ZNF608: variants seen among roughly 807,000 people sequenced by gnomAD.
The protein encoded by ZNF608 is zinc finger protein 608.
A neutral mutation model predicts 109.0 loss-of-function variants in ZNF608; 12 were observed. The ratio of observed to expected loss-of-function variants is 0.11; its 90% confidence interval spans 0.07 to 0.18. ZNF608 has a LOEUF of 0.18. Among genes scored for constraint, ZNF608 ranks in the 10% least tolerant of loss-of-function variants. ZNF608 has a pLI of 1.00. For missense variants in ZNF608, 1,707 were observed against 1,879.3 expected (o/e 0.91, Z 1.70); for synonymous variants, 732 against 717.4 (o/e 1.02, Z -0.33).
chr5:124,666,162 A>G (rs1233281906), intron 3 of ZNF608: 3 of 152,262 alleles, frequency 2.0e-5, no homozygotes, highest in Admixed American at 6.5e-5. Flanking sequence ...TTAAAGCCAT[A>G]GTTTTCAATC....
At chr5:124,646,602 C>T in intron 5 of ZNF608, 77 bp downstream of exon 5, 1 of 1,502,384 alleles carries the variant, frequency 6.7e-7, no homozygotes, top group East Asian at 2.3e-5. Context: ...AGAAGTCTAA[C>T]CAGATCAAGC....
chr5:124,723,032 A>AT lies in ZNF608; in HGVS notation c.906+21051dup, dbSNP rs753609561. Among the ~76,000 whole-genome samples the AT allele has an allele frequency of 2.8e-3, 403 of 142,824 alleles. 2 individuals are homozygous for AT. Among genetic ancestry groups the AT allele is most frequent in the Middle Eastern group, 0.011 (3 of 276 alleles). 93.7% of individuals were successfully genotyped at this position (142,824 alleles called of 152,430 possible). On this transcript the variant is annotated intron_variant, in intron 2 of 9. Coordinates refer to ENST00000513986, the MANE Select transcript of ZNF608 (RefSeq NM_020747.3). ...AGCAGTAGGAGACTTTAAAAAAAAA[A>AT]TTTTTTTTTTTTTTTTGAGACAAGG...
chr5:124,740,520 A>AG (rs1179368360), intron 2 of ZNF608, among the ~76,000 whole-genome samples: 1 of 151,844 alleles, frequency 6.6e-6, no homozygotes, highest in Non-Finnish European at 1.5e-5. Context: ...TGAAAAAAAA[A>AG]AAAAGCATAA....
chr5:124,748,606 G>A, upstream of ZNF608: 7 of 982,060 alleles, frequency 7.1e-6, no homozygotes, highest in Non-Finnish European at 8.5e-6. Flanking sequence ...GCTTTATTTT[G>A]GAAATTATAA....
rs938578935 is a variant in ZNF608 at position 124,637,893 on chromosome 5, A to G, written c.*7T>C. The G allele has an allele frequency of 5.0e-6, 8 of 1,611,272 alleles. No homozygotes were observed. The African/African-American group carries it at 8.0e-5, about 16-fold the overall frequency. On this transcript the variant is annotated 3_prime_UTR_variant, in exon 10 of 10. Transcript: ENST00000513986. ...CAGTCACATGACAATGTACATGTCC[A>G]ATCTTGTTATTCTCTGCAAAAGAAA...
chr5:124,679,700 A>G (rs1358908593), intron 3 of ZNF608, among the ~76,000 whole-genome samples: 1 of 152,220 alleles, frequency 6.6e-6, no homozygotes, highest in Non-Finnish European at 1.5e-5. Context: ...AAAACTTGAA[A>G]ATACAGGTGA....
intron 2 of ZNF608, among the ~76,000 whole-genome samples, chr5:124,703,564 G>A (rs868262599): frequency 6.6e-6 from 1 of 152,090 alleles, no homozygotes; most frequent in East Asian, 1.9e-4. Context: ...CTGGGAGTTG[G>A]AGACCAGCCT....
At chr5:124,692,252 C>T (rs927492702) in intron 3 of ZNF608, among the ~76,000 whole-genome samples, 1 of 152,160 alleles carries the variant, frequency 6.6e-6, no homozygotes, top group Non-Finnish European at 1.5e-5. Flanking sequence ...CTAGACCAAA[C>T]TTAATTTAAA....
At chr5:124,653,999 A>G (rs927974283) in intron 3 of ZNF608, among the ~76,000 whole-genome samples, 27 of 152,042 alleles carry the variant, frequency 1.8e-4, no homozygotes, top group Admixed American at 1.4e-3. Flanking sequence ...AGGATTGCCT[A>G]TTTTCCAGCC....
intron 3 of ZNF608, among the ~76,000 whole-genome samples, chr5:124,675,434 C>T (rs1269572064): frequency 6.6e-6 from 1 of 152,192 alleles, no homozygotes; most frequent in Non-Finnish European, 1.5e-5. Flanking sequence ...ACAAAAAACA[C>T]TTTCAATCCA....
At chr5:124,710,154 G>C (rs768369631) in intron 2 of ZNF608, 2 of 441,660 alleles carry the variant, frequency 4.5e-6, no homozygotes, top group Non-Finnish European at 9.0e-6. Flanking sequence ...TTGAAATCAG[G>C]GAAAGGTTAG....
intron 2 of ZNF608, among the ~76,000 whole-genome samples, chr5:124,706,101 C>T (rs901360828): frequency 6.6e-6 from 1 of 152,220 alleles, no homozygotes; most frequent in Non-Finnish European, 1.5e-5. Context: ...ACCAAAGGAA[C>T]TTTCATGGTG....
Position 124,641,241 on chromosome 5 carries a change from G to C in ZNF608, c.4450+11C>G, listed in dbSNP as rs764788886. 5.0e-6 allele frequency: 8 copies of C among 1,613,424 alleles called. No homozygotes were observed. Among genetic ancestry groups the C allele is most frequent in the Non-Finnish European group, 6.8e-6 (8 of 1,180,016 alleles). Reference sequence around the variant, plus strand: ...AATGGACAAAGACACAGTAATGATAGAGCTGCTGACCTTGAAAAGGGTCAT... The same window carrying C: ...AATGGACAAAGACACAGTAATGATACAGCTGCTGACCTTGAAAAGGGTCAT... On this transcript the variant is annotated intron_variant, in intron 8 of 9. Transcript: ENST00000513986.
intron 3 of ZNF608, among the ~76,000 whole-genome samples, chr5:124,666,092 T>G (rs936039703): frequency 9.2e-5 from 14 of 152,222 alleles, no homozygotes; most frequent in African/African-American, 3.4e-4. Flanking sequence ...TTAGGAGGCA[T>G]GAAATGACAG....
chr5:124,661,694 C>A (rs546391723), intron 3 of ZNF608, among the ~76,000 whole-genome samples: 1 of 152,308 alleles, frequency 6.6e-6, no homozygotes, highest in South Asian at 2.1e-4. Context: ...ATTGACCAGC[C>A]TGCTCGGTGT....
At chr5:124,720,503 A>G (rs925437352) in intron 2 of ZNF608, among the ~76,000 whole-genome samples, 14 of 152,350 alleles carry the variant, frequency 9.2e-5, no homozygotes, top group African/African-American at 3.4e-4. Flanking sequence ...ACCGGAATTC[A>G]TTCAGGTGAA....
rs867625839 is a variant in ZNF608 at position 124,650,243 on chromosome 5, G to A, written c.1163-546C>T. On this transcript the variant is annotated intron_variant, in intron 3 of 9. Coordinates refer to ENST00000513986, the MANE Select transcript of ZNF608 (RefSeq NM_020747.3). ...TGGGGACTCAAGAGTCCAGATAGCA[G>A]ACAATCAACTACGATTTCACTTCCC... 3.3e-5 allele frequency among the ~76,000 whole-genome samples: 5 copies of A among 152,332 alleles called. No homozygotes were observed. The South Asian group carries it at 8.3e-4, about 25-fold the overall frequency.
At chr5:124,672,729 G>A (rs1186188158) in intron 3 of ZNF608, among the ~76,000 whole-genome samples, 4 of 152,214 alleles carry the variant, frequency 2.6e-5, no homozygotes, top group African/African-American at 7.2e-5. Flanking sequence ...CAGGGGAAAA[G>A]TGATTACCAA....
At chr5:124,676,415 C>A (rs545537388) in intron 3 of ZNF608, among the ~76,000 whole-genome samples, 2 of 152,286 alleles carry the variant, frequency 1.3e-5, no homozygotes, top group East Asian at 1.9e-4. Flanking sequence ...TTTGCAGAAG[C>A]AATGACTTAT....
Sources: gnomAD v4.1 joint callset for allele counts (sites outside exome capture counted in the v4.1 genomes callset) on GRCh38, gnomAD v4.1.1 for gene constraint, MANE v1.5 for transcripts, NCBI Gene and HGNC (gene_info 2026-07-23, HGNC 2026-07-21) for gene names.